The following CELF2 variants were observed in gnomAD, a reference collection of about 807,000 sequenced individuals.
The protein encoded by CELF2 is CUG triplet repeat RNA-binding protein 2.
Under a neutral mutation model 62.6 loss-of-function variants are expected in CELF2, and 8 were observed. The observed-to-expected ratio is 0.13, with a 90% confidence interval of 0.07 to 0.23. The LOEUF (loss-of-function observed/expected upper bound fraction) is 0.23. CELF2 is among the 10% of genes least tolerant of loss of function. The probability of loss-of-function intolerance (pLI) is 1.00; values close to 1 mark genes in which losing one functional copy is unlikely to be tolerated. For missense variants in CELF2, 333 were observed against 671.0 expected (o/e 0.50, Z 5.56); for synonymous variants, 258 against 250.0 (o/e 1.03, Z -0.30).
intron 1 of CELF2, among the ~76,000 whole-genome samples, chr10:10,897,697 T>G (rs1463883903): frequency 1.3e-5 from 2 of 152,054 alleles, no homozygotes; most frequent in Admixed American, 1.3e-4. Context: ...CGTGTAATAG[T>G]ATGGATCTCA....
chr10:10,828,109 A>G (rs2057554748), intron 1 of CELF2, among the ~76,000 whole-genome samples: 2 of 152,020 alleles, frequency 1.3e-5, no homozygotes, highest in Non-Finnish European at 1.5e-5. Context: ...TGGTTTCTCA[A>G]AAAACCGCGA....
chr10:11,004,145 G>A (rs2137066764), upstream of CELF2, among the ~76,000 whole-genome samples: 1 of 152,280 alleles, frequency 6.6e-6, no homozygotes, highest in East Asian at 1.9e-4. This position sits in a 1 kb window ranked among gnomAD's most constrained non-coding sequence, Gnocchi z 5.0. Flanking sequence ...TCAAATAGGT[G>A]GGGAACAGAG....
intron 1 of CELF2, among the ~76,000 whole-genome samples, chr10:11,034,931 G>C (rs954270637): frequency 6.6e-6 from 1 of 152,160 alleles, no homozygotes; most frequent in African/African-American, 2.4e-5. Context: ...CTGAGGCTCT[G>C]TTTTGTGCCC....
the CELF2 span, among the ~76,000 whole-genome samples, chr10:10,482,241 T>C: frequency 1.3e-5 from 2 of 152,206 alleles, no homozygotes; most frequent in Non-Finnish European, 2.9e-5. Context: ...ATATGGTATG[T>C]TTTTTGCAAC....
At chr10:10,951,583 G>T (rs899897103) in intron 2 of CELF2, among the ~76,000 whole-genome samples, 3 of 152,192 alleles carry the variant, frequency 2.0e-5, no homozygotes, top group African/African-American at 7.2e-5. Flanking sequence ...ACTCCTCCAA[G>T]GACATTAGTT....
chr10:10,712,192 G>A, the CELF2 span, among the ~76,000 whole-genome samples: 1 of 141,864 alleles, frequency 7.0e-6, no homozygotes, highest in Non-Finnish European at 1.5e-5. Context: ...TCTCAGAATA[G>A]GGCAAGTTCA....
the CELF2 span, among the ~76,000 whole-genome samples, chr10:10,609,579 G>C: frequency 6.6e-6 from 1 of 152,190 alleles, no homozygotes; most frequent in Non-Finnish European, 1.5e-5. Context: ...AATAAGAAGT[G>C]CAGGGGTGGA....
At chr10:10,954,084 T>C (rs1467315787) in intron 2 of CELF2, among the ~76,000 whole-genome samples, 2 of 151,834 alleles carry the variant, frequency 1.3e-5, no homozygotes, top group African/African-American at 2.4e-5. Flanking sequence ...GATGATCAGA[T>C]TGGCAAAAGT....
intron 8 of CELF2, among the ~76,000 whole-genome samples, chr10:11,287,717 G>T (rs1295087755): frequency 6.6e-6 from 1 of 152,216 alleles, no homozygotes; most frequent in Non-Finnish European, 1.5e-5. Flanking sequence ...TCCAGAGAGA[G>T]AAGTTCAATG....
chr10:10,604,590 G>T, the CELF2 span, among the ~76,000 whole-genome samples: 1 of 152,152 alleles, frequency 6.6e-6, no homozygotes, highest in Non-Finnish European at 1.5e-5. Flanking sequence ...AATTTACTTA[G>T]CTGTTTTTCC....
the CELF2 span, among the ~76,000 whole-genome samples, chr10:10,777,943 C>G: frequency 6.6e-6 from 1 of 152,120 alleles, no homozygotes; most frequent in Admixed American, 6.5e-5. Flanking sequence ...TCAGCCGCAC[C>G]CCTTTTCTAC....
chr10:10,687,831 T>G, the CELF2 span, among the ~76,000 whole-genome samples: 1 of 152,228 alleles, frequency 6.6e-6, no homozygotes, highest in African/African-American at 2.4e-5. Context: ...ACTGTCAATT[T>G]GCTACCTGAG....
chr10:10,605,594 TA>T, the CELF2 span, among the ~76,000 whole-genome samples: 1 of 152,366 alleles, frequency 6.6e-6, no homozygotes, highest in African/African-American at 2.4e-5. Flanking sequence ...GTTTACCACA[TA>T]GTCAAACGTG....
chr10:10,570,745 TAAC>T, the CELF2 span, among the ~76,000 whole-genome samples: 1 of 152,104 alleles, frequency 6.6e-6, no homozygotes, highest in Non-Finnish European at 1.5e-5. Context: ...GGAACATTGA[TAAC>T]AACGTTAAAA....
chr10:10,549,476 G>T, the CELF2 span, among the ~76,000 whole-genome samples: 1 of 152,184 alleles, frequency 6.6e-6, no homozygotes, highest in East Asian at 1.9e-4. Flanking sequence ...TAGAGACAGG[G>T]TTTTGCCATG....
upstream of CELF2, among the ~76,000 whole-genome samples, chr10:11,012,961 C>A (rs977571339): frequency 6.6e-6 from 1 of 152,046 alleles, no homozygotes; most frequent in Non-Finnish European, 1.5e-5. This position sits in a 1 kb window ranked among gnomAD's most constrained non-coding sequence, Gnocchi z 5.5. Flanking sequence ...CTTCCCCAGA[C>A]GTCTCCTTCC....
At chr10:11,137,383 A>G (rs2132083690) in intron 1 of CELF2, among the ~76,000 whole-genome samples, 1 of 152,346 alleles carries the variant, frequency 6.6e-6, no homozygotes, top group South Asian at 2.1e-4. Flanking sequence ...AGTTGGATGC[A>G]TATAAATTCC....
chr10:11,172,407 C>G (rs562569740), intron 2 of CELF2, among the ~76,000 whole-genome samples: 2 of 152,206 alleles, frequency 1.3e-5, no homozygotes, highest in Non-Finnish European at 2.9e-5. Flanking sequence ...AAAGATATAA[C>G]AATTCATTTT....
At chr10:11,054,185 G>A (rs759988032) in intron 1 of CELF2, among the ~76,000 whole-genome samples, 3 of 152,152 alleles carry the variant, frequency 2.0e-5, no homozygotes, top group Non-Finnish European at 4.4e-5. Flanking sequence ...AATGCTCTAC[G>A]ATTATTACTA....
Sources: allele counts gnomAD v4.1 joint callset (sites outside exome capture counted in the v4.1 genomes callset), GRCh38; gene constraint gnomAD v4.1.1; non-coding constraint Gnocchi (gnomAD v3.1); transcripts MANE v1.5; gene names NCBI Gene and HGNC (gene_info 2026-07-23, HGNC 2026-07-21).